Variants in RTP2 observed in about 807,000 individuals in gnomAD.
RTP2 encodes receptor transporter protein 2, also known as receptor-transporting protein 2.
A neutral mutation model predicts 17.9 loss-of-function variants in RTP2; 12 were observed. The ratio of observed to expected loss-of-function variants is 0.67; its 90% CI spans 0.43 to 1.09. RTP2 has a LOEUF of 1.09. Ranked by LOEUF, RTP2 falls within the 50% of genes least tolerant of loss-of-function variation. The pLI is 0.00. For missense variants in RTP2, 327 were observed against 295.7 expected, an observed-to-expected ratio of 1.11 and a Z score of -0.78; for synonymous variants, 126 against 117.7, an observed-to-expected ratio of 1.07 and a Z score of -0.46.
chr3:187,715,681 G>T, the RTP2 span: 1 of 456,948 alleles, frequency 2.2e-6, no homozygotes, highest in South Asian at 1.5e-5. Context: ...TGGAGAGCAA[G>T]AAGCAGAATG....
chr3:187,707,511 G>T (rs913601226), upstream of RTP2, among the ~76,000 whole-genome samples: 15 of 152,184 alleles, frequency 9.9e-5, no homozygotes, highest in Non-Finnish European at 1.8e-4. Context: ...GGAGGGGAAA[G>T]CATGGGCAAA....
upstream of RTP2, among the ~76,000 whole-genome samples, chr3:187,707,149 A>G (rs536745426): frequency 5.4e-4 from 82 of 152,286 alleles, no homozygotes; most frequent in African/African-American, 1.8e-3. Flanking sequence ...GGGCTTCCTC[A>G]CAGGATGCTG....
the RTP2 span, among the ~76,000 whole-genome samples, chr3:187,714,338 G>C: frequency 2.2e-5 from 1 of 46,310 alleles, no homozygotes; most frequent in African/African-American, 3.3e-5. Context: ...ATCCCCAAAG[G>C]AATGATTCAG....
intron 1 of RTP2, 139 bp downstream of exon 1, chr3:187,701,826 G>C: frequency 1.4e-6 from 1 of 714,512 alleles, no homozygotes. Flanking sequence ...CTCTGACCCA[G>C]CCGGCTGTCT....
At chr3:187,698,414 T>C in exon 2 of RTP2, 3 of 1,256,228 alleles carry the variant, frequency 2.4e-6, no homozygotes, top group Non-Finnish European at 2.2e-6. Flanking sequence ...CAGTCATATG[T>C]TGAATCTGTA....
the RTP2 span, among the ~76,000 whole-genome samples, chr3:187,709,354 C>T: frequency 1.3e-5 from 2 of 152,134 alleles, no homozygotes; most frequent in African/African-American, 4.8e-5. Flanking sequence ...AGCACCTCAC[C>T]GTGGCTTGCA....
intron 1 of RTP2, among the ~76,000 whole-genome samples, chr3:187,701,644 C>T (rs1579782937): frequency 6.6e-6 from 1 of 152,352 alleles, no homozygotes; most frequent in African/African-American, 2.4e-5. Context: ...CAATGGACCT[C>T]ATGGCCTCCT....
chr3:187,706,085 G>A (rs1181029372), upstream of RTP2, among the ~76,000 whole-genome samples: 1 of 152,188 alleles, frequency 6.6e-6, no homozygotes, highest in South Asian at 2.1e-4. Flanking sequence ...AGTTAAATAT[G>A]CTAGAAACAC....
At chr3:187,699,437 T>G (rs1212079028) in intron 1 of RTP2, among the ~76,000 whole-genome samples, 5 of 152,116 alleles carry the variant, frequency 3.3e-5, no homozygotes, top group Admixed American at 3.3e-4. Flanking sequence ...ATAAGAAGGA[T>G]GACATACACC....
At chr3:187,699,289 C>T (rs1717782244) in intron 1 of RTP2, among the ~76,000 whole-genome samples, 2 of 152,276 alleles carry the variant, frequency 1.3e-5, no homozygotes, top group African/African-American at 4.8e-5. Context: ...CAGCTGCCCC[C>T]CAGCCCGATG....
intron 1 of RTP2, among the ~76,000 whole-genome samples, chr3:187,699,770 CACACACACACACATAT>C (rs1269367764): frequency 3.6e-4 from 22 of 61,292 alleles, no homozygotes; most frequent in African/African-American, 5.4e-4. Context: ...CACACACACA[CACACACACACACATAT>C]ATTTTCTCTC....
At chr3:187,707,037 G>C (rs889959578), upstream of RTP2, among the ~76,000 whole-genome samples, 2 of 152,108 alleles carry the variant, frequency 1.3e-5, no homozygotes, top group African/African-American at 2.4e-5. Context: ...TTATATGAAG[G>C]CTCATTCATT....
chr3:187,701,822 C>G (rs1560136819), intron 1 of RTP2, 143 bp downstream of exon 1: 3 of 695,152 alleles, frequency 4.3e-6, no homozygotes, highest in Non-Finnish European at 2.3e-6. Context: ...AACTCTCTGA[C>G]CCAGCCGGCT....
chr3:187,698,918 C>G, exon 2 of RTP2: 1 of 1,610,142 alleles, frequency 6.2e-7, no homozygotes, highest in Non-Finnish European at 8.5e-7. Context: ...GCATGCGCAC[C>G]GAGCCCGCCC....
At chr3:187,712,049 G>A in the RTP2 span, among the ~76,000 whole-genome samples, 3 of 152,188 alleles carry the variant, frequency 2.0e-5, no homozygotes, top group Non-Finnish European at 2.9e-5. Context: ...TGGAACTGCT[G>A]TATATCTTGG....
chr3:187,699,645 C>T (rs1178804278), intron 1 of RTP2, among the ~76,000 whole-genome samples: 1 of 151,928 alleles, frequency 6.6e-6, no homozygotes, highest in Non-Finnish European at 1.5e-5. Flanking sequence ...GAACACTCCC[C>T]AGTCTCTTGA....
At chr3:187,707,405 A>T (rs1718019640), upstream of RTP2, among the ~76,000 whole-genome samples, 1 of 152,190 alleles carries the variant, frequency 6.6e-6, no homozygotes, top group African/African-American at 2.4e-5. Flanking sequence ...GAAGTCAATA[A>T]GGCTTCCACA....
At chr3:187,711,135 T>A in the RTP2 span, among the ~76,000 whole-genome samples, 1 of 152,064 alleles carries the variant, frequency 6.6e-6, no homozygotes, top group African/African-American at 2.4e-5. Flanking sequence ...GCTCAAAGAG[T>A]CTTCCAGCTT....
intron 1 of RTP2, among the ~76,000 whole-genome samples, chr3:187,700,359 T>A (rs7619097): frequency 0.22 from 33,641 of 152,228 alleles, 5,061 homozygotes; most frequent in African/African-American, 0.42. Context: ...GGCATCTGCC[T>A]GTTTAGAGAC....
Sources: gnomAD v4.1 joint callset for allele counts (sites outside exome capture counted in the v4.1 genomes callset) on GRCh38, gnomAD v4.1.1 for gene constraint, MANE v1.5 for transcripts, NCBI Gene and HGNC (gene_info 2026-07-23, HGNC 2026-07-21) for gene names.